Variants in SLC9A9 observed in about 807,000 individuals in gnomAD.
SLC9A9 encodes solute carrier family 9 member A9, also known as sodium/hydrogen exchanger 9.
A neutral mutation model predicts 77.8 loss-of-function variants in SLC9A9; 62 were observed. That is an observed-to-expected ratio of 0.80 (90% CI 0.65 to 0.98). The LOEUF (loss-of-function observed/expected upper bound fraction) is 0.98, where lower values mean the gene tolerates loss of function less well. Among genes scored for constraint, SLC9A9 ranks in the 50% least tolerant of loss-of-function variants. SLC9A9 has a pLI of 0.00. For synonymous variants in SLC9A9, 320 were observed against 283.5 expected, an observed-to-expected ratio of 1.13 and a Z score of -1.29; for missense variants, 775 against 774.9, an observed-to-expected ratio of 1.00 and a Z score of 0.00.
intron 14 of SLC9A9, among the ~76,000 whole-genome samples, chr3:143,348,797 TTG>T (rs1171590273): frequency 2.0e-5 from 3 of 152,186 alleles, no homozygotes; most frequent in Non-Finnish European, 4.4e-5. Flanking sequence ...GTTCATGAAA[TTG>T]TGTCTAGAAC....
intron 8 of SLC9A9, among the ~76,000 whole-genome samples, chr3:143,567,750 C>T (rs13085205): frequency 0.11 from 16,963 of 152,130 alleles, 1,159 homozygotes; most frequent in East Asian, 0.15. Context: ...TGAATGCAGG[C>T]CACGTGTTAA....
intron 9 of SLC9A9, among the ~76,000 whole-genome samples, chr3:143,527,307 C>A (rs2036423768): frequency 6.6e-6 from 1 of 152,208 alleles, no homozygotes; most frequent in Non-Finnish European, 1.5e-5. Flanking sequence ...CATATTGAAG[C>A]ACAGTACCTC....
chr3:143,752,033 GAC>G (rs2006737221), intron 4 of SLC9A9, among the ~76,000 whole-genome samples: 1 of 152,192 alleles, frequency 6.6e-6, no homozygotes, highest in African/African-American at 2.4e-5. Flanking sequence ...TCGCCTTTCA[GAC>G]ACACATCAAA....
chr3:143,763,879 A>G (rs919993013), intron 4 of SLC9A9, among the ~76,000 whole-genome samples: 1 of 152,068 alleles, frequency 6.6e-6, no homozygotes, highest in African/African-American at 2.4e-5. Context: ...TTCTACACAC[A>G]TGCATTTATT....
intron 4 of SLC9A9, among the ~76,000 whole-genome samples, chr3:143,771,717 C>T (rs1478540323): frequency 6.6e-6 from 1 of 152,206 alleles, no homozygotes; most frequent in Non-Finnish European, 1.5e-5. Context: ...CCTCCGTGCT[C>T]CTGCTGTTGT....
At chr3:143,575,159 AT>A (rs1279617115) in intron 7 of SLC9A9, among the ~76,000 whole-genome samples, 1 of 152,206 alleles carries the variant, frequency 6.6e-6, no homozygotes, top group Non-Finnish European at 1.5e-5. Flanking sequence ...CCTCATTTCT[AT>A]TCTACATGAA....
chr3:143,662,506 C>T (rs1266747903), intron 5 of SLC9A9, among the ~76,000 whole-genome samples: 1 of 152,200 alleles, frequency 6.6e-6, no homozygotes, highest in South Asian at 2.1e-4. Flanking sequence ...GGGGCATCAC[C>T]TCACCCGAGA....
intron 11 of SLC9A9, among the ~76,000 whole-genome samples, chr3:143,476,664 C>G (rs1280236734): frequency 1.3e-5 from 2 of 152,134 alleles, no homozygotes; most frequent in Non-Finnish European, 2.9e-5. Context: ...GGAGTAGTAC[C>G]CAACTTATGG....
Position 143,623,864 on chromosome 3 carries a change from C to G in SLC9A9, c.755+28391G>C, listed in dbSNP as rs148579633. On this transcript the variant is annotated intron_variant, in intron 6 of 15. Transcript: ENST00000316549. ...AAAGATCAACAAAATTGACAGACCG[C>G]TAGTAAGACTAATAAAGAAGAAAAG... 1.3e-3 allele frequency among the ~76,000 whole-genome samples: 204 copies of G among 152,146 alleles called. 2 individuals are homozygous for G. Among genetic ancestry groups the G allele is most frequent in the South Asian group, 8.1e-3 (39 of 4,818 alleles).
intron 12 of SLC9A9, among the ~76,000 whole-genome samples, chr3:143,402,282 T>C (rs17756864): frequency 0.088 from 13,348 of 152,258 alleles, 814 homozygotes; most frequent in Middle Eastern, 0.14. Flanking sequence ...TTGGCATGAA[T>C]AGACTTTTAT....
intron 5 of SLC9A9, among the ~76,000 whole-genome samples, chr3:143,666,316 G>A (rs1215750252): frequency 6.6e-6 from 1 of 152,072 alleles, no homozygotes; most frequent in Non-Finnish European, 1.5e-5. Flanking sequence ...AATAAACTAG[G>A]TATTGATGGG....
At chr3:143,308,303 G>A (rs371508020) in intron 14 of SLC9A9, among the ~76,000 whole-genome samples, 17 of 152,272 alleles carry the variant, frequency 1.1e-4, no homozygotes, top group South Asian at 2.1e-4. Context: ...TCAGCCAGGC[G>A]TGGTGGCTCA....
At chr3:143,429,443 G>A (rs764140948) in intron 12 of SLC9A9, among the ~76,000 whole-genome samples, 3 of 152,208 alleles carry the variant, frequency 2.0e-5, no homozygotes, top group Non-Finnish European at 4.4e-5. Flanking sequence ...GAGAAAAGGA[G>A]GGGAGAAGGT....
At chr3:143,611,080 C>T (rs1220295129) in intron 6 of SLC9A9, among the ~76,000 whole-genome samples, 1 of 151,968 alleles carries the variant, frequency 6.6e-6, no homozygotes, top group Non-Finnish European at 1.5e-5. Flanking sequence ...ATATTGCATT[C>T]ATGTAAGGGC....
At chr3:143,364,140 G>T (rs1171168678) in intron 13 of SLC9A9, among the ~76,000 whole-genome samples, 1 of 152,010 alleles carries the variant, frequency 6.6e-6, no homozygotes, top group East Asian at 1.9e-4. Context: ...GGCCATAAAG[G>T]GTGAGAGGAT....
At chr3:143,593,191 G>T (rs377023611) in intron 6 of SLC9A9, among the ~76,000 whole-genome samples, 1 of 152,204 alleles carries the variant, frequency 6.6e-6, no homozygotes, top group Non-Finnish European at 1.5e-5. Context: ...GTTGGTACAA[G>T]GTGTCCAAAG....
chr3:143,342,856 G>C (rs1000041216), intron 14 of SLC9A9, among the ~76,000 whole-genome samples: 1 of 152,166 alleles, frequency 6.6e-6, no homozygotes, highest in East Asian at 1.9e-4. Flanking sequence ...ATATACACGC[G>C]CCACGCTTTT....
At chr3:143,771,488 C>T (rs1273621208) in intron 4 of SLC9A9, among the ~76,000 whole-genome samples, 2 of 152,176 alleles carry the variant, frequency 1.3e-5, no homozygotes, top group African/African-American at 2.4e-5. Context: ...CACACCCACA[C>T]ATAGACACAC....
intron 9 of SLC9A9, among the ~76,000 whole-genome samples, chr3:143,520,039 A>G (rs188939565): frequency 6.6e-6 from 1 of 152,324 alleles, no homozygotes; most frequent in Non-Finnish European, 1.5e-5. Context: ...CTGGAGATGT[A>G]TATTTGGAAA....
Sources: allele counts gnomAD v4.1 joint callset (sites outside exome capture counted in the v4.1 genomes callset), GRCh38; gene constraint gnomAD v4.1.1; transcripts MANE v1.5; gene names NCBI Gene and HGNC (gene_info 2026-07-23, HGNC 2026-07-21).